ATP13A3: variants seen among roughly 807,000 people sequenced by gnomAD.
ATP13A3 encodes ATPase 13A3, also known as polyamine-transporting ATPase 13A3.
ATP13A3 carries 59 observed loss-of-function variants against 158.1 expected under a neutral mutation model. The observed-to-expected ratio is 0.37, with a 90% CI of 0.30 to 0.46. The LOEUF is 0.46. Ranked by LOEUF, ATP13A3 falls within the 20% of genes least tolerant of loss-of-function variation. ATP13A3 has a pLI of 1.00. For missense variants in ATP13A3, 1,166 were observed against 1,525.2 expected, an observed-to-expected ratio of 0.76 and a Z score of 3.92; for synonymous variants, 491 against 504.3, an observed-to-expected ratio of 0.97 and a Z score of 0.35.
Position 194,441,337 on chromosome 3 carries a change from G to A in ATP13A3, c.1684C>T (p.Leu562=), listed in dbSNP as rs754127505. 2 of 1,612,704 alleles carry A rather than the reference G, an allele frequency of 1.2e-6. No individual in the cohort carries two copies. Among genetic ancestry groups the A allele is most frequent in the Non-Finnish European group, 1.7e-6 (2 of 1,179,196 alleles). Residue 562 remains leucine, a synonymous_variant, in exon 16 of 34, where the codon CTG becomes TTG. Coordinates refer to ENST00000645319, the MANE Select transcript of ATP13A3 (RefSeq NM_001367549.1). ...EGVLSGDPLD[L]KMFEAIGWIL... ...CATCCAATAGCCTCAAACATTTTCA[G>A]ATCAAGTGGATCACCAGAGAGCACT...
At chr3:194,452,032 C>A (rs1718846248) in intron 10 of ATP13A3, 1 of 152,268 alleles carries the variant, frequency 6.6e-6, no homozygotes, top group Non-Finnish European at 1.5e-5. Flanking sequence ...TTCCAAAGGG[C>A]AAGTATTTTA....
At chr3:194,426,993 T>C in intron 29 of ATP13A3, 82 bp downstream of exon 29, 1 of 1,477,558 alleles carries the variant, frequency 6.8e-7, no homozygotes, top group East Asian at 2.5e-5. Flanking sequence ...CACAAACTTT[T>C]ATATTAACTT....
At chr3:194,454,554 C>T (rs557063170) in intron 8 of ATP13A3, among the ~76,000 whole-genome samples, 162 bp from the exon 9 acceptor site, 151 of 152,282 alleles carry the variant, frequency 9.9e-4, no homozygotes, top group East Asian at 1.5e-3. Flanking sequence ...GCAGGCTGGG[C>T]GCGGTGGCTC....
chr3:194,435,861 C>T (rs982483533), intron 20 of ATP13A3, among the ~76,000 whole-genome samples: 7 of 151,976 alleles, frequency 4.6e-5, no homozygotes, highest in African/African-American at 1.7e-4. Flanking sequence ...GAACTGACAT[C>T]GTGCCACTGC....
chr3:194,470,500 T>C (rs1339635786), intron 2 of ATP13A3, among the ~76,000 whole-genome samples: 1 of 152,150 alleles, frequency 6.6e-6, no homozygotes, highest in Non-Finnish European at 1.5e-5. Flanking sequence ...CAGAGTTTTG[T>C]CTAATTGTAT....
At chr3:194,488,135 C>G (rs748109508), upstream of ATP13A3, 1 of 152,346 alleles carries the variant, frequency 6.6e-6, no homozygotes, top group Non-Finnish European at 1.5e-5. The surrounding 1 kb of genome is among the most constrained non-coding windows in gnomAD (Gnocchi z 4.1). Context: ...CACGCTGGAC[C>G]GAGATGGAAC....
chr3:194,436,979 A>G, intron 20 of ATP13A3, 116 bp downstream of exon 20: 1 of 1,254,448 alleles, frequency 8.0e-7, no homozygotes, highest in Non-Finnish European at 1.1e-6. Flanking sequence ...ACAATATTAT[A>G]TTAGATATCT....
chr3:194,412,763 T>C (rs1343244704), intron 32 of ATP13A3: 3 of 164,344 alleles, frequency 1.8e-5, no homozygotes, highest in African/African-American at 4.8e-5. Context: ...ATATAGTATC[T>C]TACATGTGCT....
intron 9 of ATP13A3, 84 bp downstream of exon 9, chr3:194,454,174 T>C: frequency 1.6e-6 from 2 of 1,282,388 alleles, no homozygotes; most frequent in Non-Finnish European, 2.2e-6. Context: ...GAATTTACTT[T>C]GTGCTGAGTA....
intron 21 of ATP13A3, among the ~76,000 whole-genome samples, chr3:194,433,345 G>A (rs9835611): frequency 0.071 from 10,497 of 148,164 alleles, 498 homozygotes; most frequent in Middle Eastern, 0.14. Context: ...CCGGGTTCAC[G>A]CCATTCTCCT....
chr3:194,480,884 A>G (rs1720723263), intron 2 of ATP13A3, among the ~76,000 whole-genome samples: 1 of 152,206 alleles, frequency 6.6e-6, no homozygotes, highest in Admixed American at 6.5e-5. Flanking sequence ...TCTAAGACCC[A>G]TTCACCTGTC....
chr3:194,441,474 C>T lies in ATP13A3; in HGVS notation c.1560-13G>A. On this transcript the variant is annotated splice_polypyrimidine_tract_variant and intron_variant, in intron 15 of 33. Coordinates refer to ENST00000645319, the MANE Select transcript of ATP13A3 (RefSeq NM_001367549.1). ...TGGTGAAAGAAATCTAAGCAGAAGA[C>T]ACACTGAATTAGTTTCATAAATTCT... is the stretch of plus-strand genomic sequence containing the variant. 6.2e-7 allele frequency: 1 copy of T among 1,606,726 alleles called. No individual in the cohort carries two copies. Among genetic ancestry groups the T allele is most frequent in the Non-Finnish European group, 8.5e-7 (1 of 1,174,206 alleles).
chr3:194,409,310 GA>G (rs764912558), intron 33 of ATP13A3, among the ~76,000 whole-genome samples: 86 of 152,236 alleles, frequency 5.6e-4, no homozygotes, highest in Non-Finnish European at 1.2e-3. Flanking sequence ...AACAAACACA[GA>G]AAATCAGAAT....
At chr3:194,465,702 G>A (rs535157356) in intron 2 of ATP13A3, among the ~76,000 whole-genome samples, 28 of 152,228 alleles carry the variant, frequency 1.8e-4, no homozygotes, top group South Asian at 8.3e-4. Flanking sequence ...GCAGGCTCAC[G>A]TTTGTAATCC....
chr3:194,427,978 T>C (rs1017811532), intron 28 of ATP13A3, among the ~76,000 whole-genome samples: 1 of 152,062 alleles, frequency 6.6e-6, no homozygotes, highest in Non-Finnish European at 1.5e-5. Context: ...CCCAGCAATT[T>C]GGGAGGCCGA....
intron 2 of ATP13A3, among the ~76,000 whole-genome samples, chr3:194,477,087 G>A (rs1328271197): frequency 6.6e-6 from 1 of 152,138 alleles, no homozygotes; most frequent in African/African-American, 2.4e-5. Flanking sequence ...GAGCCCTACT[G>A]TTCCCTGACT....
At chr3:194,441,815 G>C (rs1380469956) in intron 15 of ATP13A3, among the ~76,000 whole-genome samples, 1 of 152,158 alleles carries the variant, frequency 6.6e-6, no homozygotes, top group Non-Finnish European at 1.5e-5. Context: ...TACTCTTGAA[G>C]AGCTACACGC....
chr3:194,475,995 A>G (rs1355777230), intron 2 of ATP13A3, among the ~76,000 whole-genome samples: 1 of 152,230 alleles, frequency 6.6e-6, no homozygotes, highest in Non-Finnish European at 1.5e-5. Context: ...ACACGTAGGC[A>G]GCACCATCTT....
At position 194,446,959 on chromosome 3, in the gene ATP13A3, A is replaced by C. The variant is rs1718448550; in HGVS notation, c.1465T>G (p.Cys489Gly). Reference sequence around the variant, plus strand: ...AAGCAAACAAGATTGAGCTGTCCACAAATATTTATTCTTTGAGGACTGATA... The same window carrying C: ...AAGCAAACAAGATTGAGCTGTCCACCAATATTTATTCTTTGAGGACTGATA... ...FCISPQRINI[C>G]GQLNLVCFDK... Residue 489 changes from cysteine (C) to glycine (G), a missense_variant, in exon 14 of 34, where the codon TGT (cysteine) becomes GGT (glycine). Coordinates refer to ENST00000645319, the MANE Select transcript of ATP13A3 (RefSeq NM_001367549.1). 1.2e-6 allele frequency: 2 copies of C among 1,612,688 alleles called. No individual in the cohort carries two copies. Among genetic ancestry groups the C allele is most frequent in the Non-Finnish European group, 1.7e-6 (2 of 1,179,762 alleles).
Sources: allele counts gnomAD v4.1 joint callset (sites outside exome capture counted in the v4.1 genomes callset), GRCh38; gene constraint gnomAD v4.1.1; non-coding constraint Gnocchi (gnomAD v3.1); transcripts MANE v1.5; gene names NCBI Gene and HGNC (gene_info 2026-07-23, HGNC 2026-07-21).